The following CNTNAP2 variants were observed in gnomAD, a reference collection of about 807,000 sequenced individuals.
The protein encoded by CNTNAP2 is contactin-associated protein-like 2.
In CNTNAP2, 98 loss-of-function variants were observed where a neutral mutation model predicts 155.2. The ratio of observed to expected loss-of-function variants is 0.63; its 90% CI spans 0.54 to 0.75. The LOEUF (loss-of-function observed/expected upper bound fraction) is 0.75. CNTNAP2 is among the 30% of genes least tolerant of loss of function. The pLI is 0.00. For synonymous variants in CNTNAP2, 651 were observed against 631.2 expected (o/e 1.03, Z -0.47); for missense variants, 1,727 against 1,688.1 (o/e 1.02, Z -0.40).
chr7:146,469,499 C>A (rs1023120903), intron 1 of CNTNAP2, among the ~76,000 whole-genome samples: 1 of 150,336 alleles, frequency 6.7e-6, no homozygotes, highest in Non-Finnish European at 1.5e-5. Context: ...TCAGAGGTAA[C>A]CACTGTCTTA....
rs201756054 is a variant in CNTNAP2 at position 147,056,971 on chromosome 7, TA to T, written c.550+12918del. The stretch of plus-strand genomic sequence containing the variant: ...ATTTATATTTTTGTAGAGATGGGGT[TA>T]TTTTTTTTTTGGTTTGTTTGTTTGT... On this transcript the variant is annotated intron_variant, in intron 4 of 23. Transcript: ENST00000361727. Among the ~76,000 whole-genome samples, 905 of 151,432 alleles carry T rather than the reference TA, an allele frequency of 6.0e-3. 7 individuals carry two copies. Among genetic ancestry groups the T allele is most frequent in the African/African-American group, 0.021 (865 of 40,916 alleles).
intron 1 of CNTNAP2, among the ~76,000 whole-genome samples, chr7:146,744,867 C>A (rs1801783013): frequency 6.6e-6 from 1 of 152,130 alleles, no homozygotes; most frequent in Non-Finnish European, 1.5e-5. Context: ...ACTTTCTCTA[C>A]CTTCAGATTT....
chr7:146,659,730 G>T (rs117972482), intron 1 of CNTNAP2, among the ~76,000 whole-genome samples: 2,488 of 152,304 alleles, frequency 0.016, 51 homozygotes, highest in Middle Eastern at 0.027. Flanking sequence ...TGAGGAAAAT[G>T]AGTACATGAG....
At chr7:146,752,331 G>C (rs1801919692) in intron 1 of CNTNAP2, among the ~76,000 whole-genome samples, 1 of 152,128 alleles carries the variant, frequency 6.6e-6, no homozygotes, top group Non-Finnish European at 1.5e-5. Context: ...ACTGGCATGA[G>C]GTGGCATCTC....
At chr7:148,267,610 G>A (rs113690007) in intron 21 of CNTNAP2, among the ~76,000 whole-genome samples, 1,815 of 148,114 alleles carry the variant, frequency 0.012, 43 homozygotes, top group African/African-American at 0.043. Context: ...AGCCAAGATC[G>A]TGCCACCACA....
intron 3 of CNTNAP2, among the ~76,000 whole-genome samples, chr7:146,965,834 C>T (rs962230896): frequency 6.6e-6 from 1 of 152,136 alleles, no homozygotes; most frequent in African/African-American, 2.4e-5. Flanking sequence ...CTTTTGAGTA[C>T]AACAGGTGTC....
chr7:147,670,113 T>C lies in CNTNAP2; in HGVS notation c.2098+30807T>C, dbSNP rs1795763842. Among the ~76,000 whole-genome samples the C allele has an allele frequency of 2.6e-5, 4 of 152,202 alleles. No individual in the cohort carries two copies. In the South Asian group the frequency reaches 6.2e-4, roughly 24 times the overall value. ...TGAAAATGTCAATGTGTAAAATATGTGGGGTAATGTGTTCCACAATATACA... is the reference window on the plus strand; with the variant it reads ...TGAAAATGTCAATGTGTAAAATATGCGGGGTAATGTGTTCCACAATATACA... On this transcript the variant is annotated intron_variant, in intron 13 of 23. Coordinates refer to ENST00000361727, the MANE Select transcript of CNTNAP2 (RefSeq NM_014141.6).
intron 14 of CNTNAP2, among the ~76,000 whole-genome samples, chr7:147,948,667 ATG>A (rs543537940): frequency 1.3e-5 from 2 of 149,470 alleles, no homozygotes; most frequent in South Asian, 4.2e-4. Context: ...ACATATATAT[ATG>A]TGTGTGTGTG....
At chr7:146,287,575 G>T (rs1477520257) in intron 1 of CNTNAP2, among the ~76,000 whole-genome samples, 1 of 152,152 alleles carries the variant, frequency 6.6e-6, no homozygotes, top group Non-Finnish European at 1.5e-5. Context: ...GCTTCAGGGA[G>T]AGAGCTTTCA....
chr7:147,986,239 C>T (rs1370441792), intron 15 of CNTNAP2, among the ~76,000 whole-genome samples: 1 of 152,126 alleles, frequency 6.6e-6, no homozygotes, highest in East Asian at 1.9e-4. Flanking sequence ...AATTATAATA[C>T]ATTCGATTTA....
intron 1 of CNTNAP2, among the ~76,000 whole-genome samples, chr7:146,482,399 TTATATA>T (rs71763608): frequency 4.6e-4 from 67 of 147,186 alleles, no homozygotes; most frequent in Middle Eastern, 3.6e-3. Context: ...TGTGTGTGTA[TTATATA>T]TATATATATA....
intron 21 of CNTNAP2, among the ~76,000 whole-genome samples, chr7:148,299,254 T>C (rs1797338860): frequency 6.6e-6 from 1 of 152,206 alleles, no homozygotes; most frequent in Non-Finnish European, 1.5e-5. Context: ...CCTCCCAAAA[T>C]GCTGGTATTA....
chr7:148,027,612 C>A (rs1415782150), intron 15 of CNTNAP2, among the ~76,000 whole-genome samples: 2 of 152,254 alleles, frequency 1.3e-5, no homozygotes, highest in African/African-American at 4.8e-5. Flanking sequence ...TCCACTCCAA[C>A]CTGTTGGGTC....
At chr7:147,108,033 A>T in intron 4 of CNTNAP2, 114 bp from the exon 5 acceptor site, 1 of 931,686 alleles carries the variant, frequency 1.1e-6, no homozygotes, top group Non-Finnish European at 1.7e-6. Context: ...GAGGACTGTC[A>T]ATTTCTCAAG....
intron 5 of CNTNAP2, among the ~76,000 whole-genome samples, chr7:147,119,204 T>C (rs557024580): frequency 2.6e-5 from 4 of 152,306 alleles, no homozygotes; most frequent in South Asian, 4.1e-4. Flanking sequence ...AAACTTTTCA[T>C]TTTTTATCCC....
intron 1 of CNTNAP2, among the ~76,000 whole-genome samples, chr7:146,241,674 G>A (rs1199444699): frequency 1.3e-5 from 2 of 152,060 alleles, no homozygotes; most frequent in East Asian, 1.9e-4. Flanking sequence ...GTGAAATATG[G>A]TTCAGATATG....
intron 9 of CNTNAP2, among the ~76,000 whole-genome samples, chr7:147,306,840 C>A (rs13221013): frequency 0.035 from 5,258 of 152,182 alleles, 126 homozygotes; most frequent in Non-Finnish European, 0.052. Context: ...ATGGGAACCT[C>A]CCACTACCAA....
intron 14 of CNTNAP2, among the ~76,000 whole-genome samples, chr7:147,936,463 G>C (rs1165383321): frequency 1.3e-5 from 2 of 152,004 alleles, no homozygotes; most frequent in African/African-American, 4.8e-5. Context: ...GAGTATTTTT[G>C]TATCTAGCAA....
intron 11 of CNTNAP2, among the ~76,000 whole-genome samples, chr7:147,493,111 A>G (rs776278549): frequency 1.3e-5 from 2 of 152,200 alleles, no homozygotes; most frequent in Non-Finnish European, 2.9e-5. Flanking sequence ...AGTCGCATCT[A>G]CTGATCCGTA....
Sources: gnomAD v4.1 joint callset for allele counts (sites outside exome capture counted in the v4.1 genomes callset) on GRCh38, gnomAD v4.1.1 for gene constraint, MANE v1.5 for transcripts, NCBI Gene and HGNC (gene_info 2026-07-23, HGNC 2026-07-21) for gene names.